The following OR10G3 variants were observed in gnomAD, a reference collection of about 807,000 sequenced individuals.
OR10G3 encodes olfactory receptor 10G3.
Under a neutral mutation model 13.4 loss-of-function variants are expected in OR10G3, and 8 were observed. The observed-to-expected ratio is 0.60, with a 90% CI of 0.35 to 1.08. The LOEUF (loss-of-function observed/expected upper bound fraction) is 1.08. OR10G3 is among the 50% of genes least tolerant of loss of function. The pLI is 0.02. For missense variants in OR10G3, 393 were observed against 386.6 expected (o/e 1.02, Z -0.14); for synonymous variants, 142 against 156.1 (o/e 0.91, Z 0.67).
rs1169015792 is a variant in OR10G3, at chr14:21,570,287, C to T, written c.458G>A (p.Gly153Glu). 1.2e-6 allele frequency: 2 copies of T among 1,614,160 alleles called. No individual in the cohort carries two copies. Among genetic ancestry groups the T allele is most frequent in the Non-Finnish European group, 1.7e-6 (2 of 1,180,012 alleles). ...ALLVAGAWMA[G>E]SIHGALQAIL... ...GGCCTGGAGAGCCCCATGGATGGATCCTGCCATCCAGGCTCCAGCCACAAG... is the reference window on the plus strand; with the variant it reads ...GGCCTGGAGAGCCCCATGGATGGATTCTGCCATCCAGGCTCCAGCCACAAG... Residue 153 changes from glycine (G) to glutamate (E), a missense_variant, in exon 2 of 2, where the codon GGA (glycine) becomes GAA (glutamate). Physicochemically the swap from Gly to Glu is moderately conservative, Grantham distance 98. Coordinates refer to ENST00000641040, the MANE Select transcript of OR10G3 (RefSeq NM_001005465.2).
intron 1 of OR10G3, among the ~76,000 whole-genome samples, chr14:21,572,979 C>T (rs1235101941): frequency 6.6e-6 from 1 of 152,076 alleles, no homozygotes; most frequent in Non-Finnish European, 1.5e-5. Context: ...ACTGGATATC[C>T]ATATGCAAAA....
chr14:21,571,129 CTG>C (rs923276701), intron 1 of OR10G3, among the ~76,000 whole-genome samples: 13 of 152,164 alleles, frequency 8.5e-5, no homozygotes, highest in Admixed American at 7.2e-4. Context: ...TAATCATTGA[CTG>C]TTGTGTTAGT....
chr14:21,576,394 C>A (rs1457914739), intron 1 of OR10G3, among the ~76,000 whole-genome samples: 2 of 152,132 alleles, frequency 1.3e-5, no homozygotes, highest in Non-Finnish European at 2.9e-5. Context: ...TGAATCACAG[C>A]AAGGGGAATT....
At chr14:21,575,291 C>T (rs1850904281) in intron 1 of OR10G3, among the ~76,000 whole-genome samples, 2 of 151,976 alleles carry the variant, frequency 1.3e-5, no homozygotes, top group Non-Finnish European at 1.5e-5. Flanking sequence ...CCGTGTTAGC[C>T]AGGATGGTCT....
intron 1 of OR10G3, among the ~76,000 whole-genome samples, chr14:21,572,511 T>A (rs1259347854): frequency 6.8e-6 from 1 of 147,268 alleles, no homozygotes; most frequent in East Asian, 2.0e-4. Flanking sequence ...GCAGGAGAAT[T>A]GCTTGAACCT....
chr14:21,579,272 T>C lies in OR10G3; in HGVS notation c.-18+514A>G, dbSNP rs1876835525. 2.0e-5 allele frequency among the ~76,000 whole-genome samples: 3 copies of C among 152,094 alleles called. No homozygotes were observed. In the South Asian group the frequency reaches 6.2e-4, roughly 32 times the overall value. ...TTTAATTTTTATTTTTGAGATGGAGTCTCTCTCTGTTGCCCAGGCTGGAAT... is the reference window on the plus strand; with the variant it reads ...TTTAATTTTTATTTTTGAGATGGAGCCTCTCTCTGTTGCCCAGGCTGGAAT... On this transcript the variant is annotated intron_variant, in intron 1 of 1. Coordinates refer to ENST00000641040, the MANE Select transcript of OR10G3 (RefSeq NM_001005465.2).
At chr14:21,573,321 G>A (rs1008647279) in intron 1 of OR10G3, among the ~76,000 whole-genome samples, 2 of 152,064 alleles carry the variant, frequency 1.3e-5, no homozygotes, top group Non-Finnish European at 2.9e-5. Context: ...GAGAATGGTG[G>A]TTACTAGATG....
chr14:21,578,472 G>A (rs1025114938), intron 1 of OR10G3, among the ~76,000 whole-genome samples: 2 of 151,890 alleles, frequency 1.3e-5, no homozygotes, highest in African/African-American at 4.8e-5. Context: ...GTACATGAAT[G>A]TTTGAAAAAT....
chr14:21,572,461 G>T (rs1893081675), intron 1 of OR10G3, among the ~76,000 whole-genome samples: 1 of 151,310 alleles, frequency 6.6e-6, no homozygotes, highest in Admixed American at 6.6e-5. Flanking sequence ...GCCAGGTGTG[G>T]TCGTGGGTGC....
rs570742207 is a variant in OR10G3 at position 21,573,931 on chromosome 14, A to G, written c.-17-3170T>C. 3.3e-3 allele frequency among the ~76,000 whole-genome samples: 504 copies of G among 152,316 alleles called. 2 individuals carry two copies. The highest frequency in any genetic ancestry group is 0.012 in the African/African-American group (480 of 41,566). Reference sequence around the variant, plus strand: ...CTATTATTTATTGATTAAAAATAAAAGTTTAAATAAAACAGGCTTGATGAA... The same window carrying G: ...CTATTATTTATTGATTAAAAATAAAGGTTTAAATAAAACAGGCTTGATGAA... On this transcript the variant is annotated intron_variant, in intron 1 of 1. Coordinates refer to ENST00000641040, the MANE Select transcript of OR10G3 (RefSeq NM_001005465.2).
chr14:21,571,734 G>A (rs1430702630), intron 1 of OR10G3, among the ~76,000 whole-genome samples: 1 of 151,822 alleles, frequency 6.6e-6, no homozygotes, highest in Non-Finnish European at 1.5e-5. Context: ...GAGTGCAATA[G>A]CATGATCTCA....
In OR10G3 at chr14:21,570,706, G is replaced by T. The variant is rs1030612024; in HGVS notation, c.39C>A (p.Ile13=). Reference sequence around the variant, plus strand: ...TGAGTGGATACGGAATTCCTGTCAGGATAAACGCAGTCAACAGTGTGCTGT... The same window carrying T: ...TGAGTGGATACGGAATTCCTGTCAGTATAAACGCAGTCAACAGTGTGCTGT... ...RINSTLLTAF[I]LTGIPYPLRL... The change falls in exon 2 of 2, where the codon ATC becomes ATA. Residue 13 remains isoleucine (I), a synonymous_variant. Coordinates refer to ENST00000641040, the MANE Select transcript of OR10G3 (RefSeq NM_001005465.2). The T allele has an allele frequency of 7.5e-6, 12 of 1,600,616 alleles. No homozygotes were observed. The African/African-American group carries it at 1.5e-4, about 20-fold the overall frequency.
At chr14:21,570,803 G>A (rs2099156886) in intron 1 of OR10G3, 42 bp from the exon 2 acceptor site, 2 of 1,125,034 alleles carry the variant, frequency 1.8e-6, no homozygotes, top group Non-Finnish European at 2.5e-6. Context: ...GAGGTGAGAG[G>A]AAAGTGAGGG....
Position 21,577,997 on chromosome 14 carries a change from C to T in OR10G3, c.-18+1789G>A, listed in dbSNP as rs146118271. ...AGTCTGGGCAACAAGAGCAAAACTC[C>T]AACTCAAAAAAAAAGAAAAAAGCCT... On this transcript the variant is annotated intron_variant, in intron 1 of 1. Transcript: ENST00000641040. Among the ~76,000 whole-genome samples, 65 of 151,214 alleles carry T rather than the reference C, an allele frequency of 4.3e-4. 1 individual carries two copies. Among genetic ancestry groups the T allele is most frequent in the African/African-American group, 1.4e-3 (59 of 41,206 alleles).
intron 1 of OR10G3, among the ~76,000 whole-genome samples, chr14:21,571,108 C>G (rs1240133045): frequency 6.6e-6 from 1 of 152,146 alleles, no homozygotes; most frequent in Non-Finnish European, 1.5e-5. Context: ...TTTCCAATAA[C>G]CTTTGGAAAA....
chr14:21,572,269 G>T (rs1893078158), intron 1 of OR10G3, among the ~76,000 whole-genome samples: 1 of 83,636 alleles, frequency 1.2e-5, no homozygotes. Context: ...CTGGGCAAAA[G>T]AGTGAAACTC....
chr14:21,578,989 T>C (rs1452216651), intron 1 of OR10G3, among the ~76,000 whole-genome samples: 1 of 152,212 alleles, frequency 6.6e-6, no homozygotes, highest in African/African-American at 2.4e-5. Flanking sequence ...ATAGCTTTAC[T>C]CATGTCCATT....
At chr14:21,570,902 T>C (rs1200068014) in intron 1 of OR10G3, 141 bp from the exon 2 acceptor site, 1 of 597,312 alleles carries the variant, frequency 1.7e-6, no homozygotes, top group Non-Finnish European at 2.9e-6. Flanking sequence ...AGAAACAATG[T>C]TCTCTGGCAG....
At chr14:21,576,558 T>C (rs1893131111) in intron 1 of OR10G3, among the ~76,000 whole-genome samples, 1 of 152,244 alleles carries the variant, frequency 6.6e-6, no homozygotes, top group Admixed American at 6.5e-5. Flanking sequence ...TTTATTCTAA[T>C]TATTTTCTCC....
Sources: allele counts gnomAD v4.1 joint callset (sites outside exome capture counted in the v4.1 genomes callset), GRCh38; gene constraint gnomAD v4.1.1; transcripts MANE v1.5; gene names NCBI Gene and HGNC (gene_info 2026-07-23, HGNC 2026-07-21).